CCSER2: variants seen among roughly 807,000 people sequenced by gnomAD.
CCSER2 encodes coiled-coil serine rich protein 2, also known as serine-rich coiled-coil domain-containing protein 2.
In CCSER2, 46 loss-of-function variants were observed where a neutral mutation model predicts 92.3. The observed-to-expected ratio is 0.50, with a 90% CI of 0.39 to 0.64. The LOEUF is 0.64. Ranked by LOEUF, CCSER2 falls within the 30% of genes least tolerant of loss-of-function variation. The pLI is 0.00. For missense variants in CCSER2, 1,244 were observed against 1,238.9 expected, an observed-to-expected ratio of 1.00 and a Z score of -0.06; for synonymous variants, 433 against 431.4, an observed-to-expected ratio of 1.00 and a Z score of -0.04.
At chr10:84,513,393 A>T in intron 9 of CCSER2, 56 bp from the exon 10 acceptor site, 1 of 1,313,520 alleles carries the variant, frequency 7.6e-7, no homozygotes, top group Non-Finnish European at 1.1e-6. Flanking sequence ...TATTTATATT[A>T]AATCTGGGTG....
intron 6 of CCSER2, among the ~76,000 whole-genome samples, chr10:84,447,806 C>CTTTTG (rs1175210073): frequency 2.0e-5 from 3 of 152,108 alleles, no homozygotes; most frequent in Middle Eastern, 6.8e-3. Context: ...GAGTTCGTTT[C>CTTTTG]TTTTGTTTTG....
intron 3 of CCSER2, among the ~76,000 whole-genome samples, chr10:84,400,695 C>T (rs971614033): frequency 6.6e-6 from 1 of 152,106 alleles, no homozygotes; most frequent in Non-Finnish European, 1.5e-5. Context: ...GGGTGGATCA[C>T]CTGAGGTCAG....
At chr10:84,416,937 A>G (rs917956683) in intron 3 of CCSER2, among the ~76,000 whole-genome samples, 3 of 152,220 alleles carry the variant, frequency 2.0e-5, no homozygotes, top group African/African-American at 4.8e-5. Flanking sequence ...TCAAAAAAAA[A>G]AGAGTTTTTT....
intron 9 of CCSER2, among the ~76,000 whole-genome samples, chr10:84,492,209 G>T (rs1848211014): frequency 1.3e-5 from 2 of 151,786 alleles, no homozygotes. Flanking sequence ...ATCCCGGGAG[G>T]TGGATAATTG....
At chr10:84,445,193 G>A (rs1025561412) in intron 6 of CCSER2, among the ~76,000 whole-genome samples, 1 of 151,742 alleles carries the variant, frequency 6.6e-6, no homozygotes, top group Non-Finnish European at 1.5e-5. Flanking sequence ...TTGCTCTGTC[G>A]CCCAGGCTGG....
chr10:84,351,432 C>T (rs1400242750), intron 1 of CCSER2, among the ~76,000 whole-genome samples: 3 of 151,846 alleles, frequency 2.0e-5, no homozygotes, highest in Admixed American at 2.0e-4. Context: ...AGGTTTCGTC[C>T]TGTTGGCCAG....
intron 3 of CCSER2, among the ~76,000 whole-genome samples, chr10:84,413,330 G>C (rs945053784): frequency 5.3e-5 from 8 of 152,120 alleles, no homozygotes; most frequent in Non-Finnish European, 1.0e-4. Context: ...CTGCATCCCA[G>C]AGATGGTGGT....
chr10:84,382,253 T>C (rs1220973154), intron 3 of CCSER2, among the ~76,000 whole-genome samples: 1 of 152,200 alleles, frequency 6.6e-6, no homozygotes, highest in Non-Finnish European at 1.5e-5. Context: ...TAGCATCTTT[T>C]TTTGTTCCTC....
chr10:84,449,010 G>A (rs1845100032), intron 6 of CCSER2, among the ~76,000 whole-genome samples: 1 of 152,170 alleles, frequency 6.6e-6, no homozygotes, highest in Non-Finnish European at 1.5e-5. Flanking sequence ...GTTGTTTTTA[G>A]TTGTGGAATA....
chr10:84,452,843 C>T (rs1414746599), intron 6 of CCSER2, among the ~76,000 whole-genome samples: 1 of 152,074 alleles, frequency 6.6e-6, no homozygotes, highest in Non-Finnish European at 1.5e-5. Context: ...CCCCTCCCCC[C>T]ACCAAATGTT....
chr10:84,347,463 C>T lies in CCSER2; in HGVS notation c.-40+18655C>T, dbSNP rs572056762. 2.0e-5 allele frequency among the ~76,000 whole-genome samples: 3 copies of T among 149,440 alleles called. No homozygotes were observed. The East Asian group carries it at 6.1e-4, about 30-fold the overall frequency. ...GTCGGCTGGCCGGGCGGGGGCTGACCCCCCACCTCCCTCCCGGACTGGGTG... is the reference window on the plus strand; with the variant it reads ...GTCGGCTGGCCGGGCGGGGGCTGACTCCCCACCTCCCTCCCGGACTGGGTG... On this transcript the variant is annotated intron_variant, in intron 1 of 9. Transcript: ENST00000372088.
chr10:84,384,959 G>C (rs955502186), intron 3 of CCSER2, among the ~76,000 whole-genome samples: 2 of 151,196 alleles, frequency 1.3e-5, no homozygotes, highest in African/African-American at 4.9e-5. Context: ...TACACCATCA[G>C]TGCTCAAACA....
chr10:84,418,118 C>CT (rs961553234), intron 4 of CCSER2, among the ~76,000 whole-genome samples: 2 of 152,120 alleles, frequency 1.3e-5, no homozygotes, highest in Non-Finnish European at 2.9e-5. Context: ...TAAGAGTTGT[C>CT]TTTTTTTCTG....
At chr10:84,374,992 A>C (rs1222892841) in intron 3 of CCSER2, among the ~76,000 whole-genome samples, 1 of 152,168 alleles carries the variant, frequency 6.6e-6, no homozygotes. Flanking sequence ...CAGTGTCTTC[A>C]TCTCATTAGA....
intron 9 of CCSER2, among the ~76,000 whole-genome samples, chr10:84,489,456 CTCT>C (rs1332273221): frequency 6.6e-6 from 1 of 152,156 alleles, no homozygotes; most frequent in South Asian, 2.1e-4. Flanking sequence ...AAATAGTTAG[CTCT>C]TCTTGTTGAA....
intron 3 of CCSER2, among the ~76,000 whole-genome samples, chr10:84,407,197 C>A (rs1842421192): frequency 6.6e-6 from 1 of 152,174 alleles, no homozygotes; most frequent in African/African-American, 2.4e-5. Context: ...ATGCAGCATG[C>A]ACATCAAAAT....
In CCSER2 at chr10:84,517,766, T is replaced by TC. The variant is rs1360372278; in HGVS notation, c.*3504dup. ...TCTCAGTACATCAGAGAGAGCGTGA[T>TC]CCCCCTACAGCTGTCACTTCCAAAT... On this transcript the variant is annotated 3_prime_UTR_variant, in exon 10 of 10. Transcript: ENST00000372088. The TC allele has an allele frequency of 6.6e-6, 1 of 152,636 alleles. No individual in the cohort carries two copies. The highest frequency in any genetic ancestry group is 1.5e-5 in the Non-Finnish European group (1 of 68,044). 9.5% of individuals were successfully genotyped at this position (152,636 alleles called of 1,614,324 possible). A position where few individuals can be genotyped will look rare whatever the true frequency, so the allele number is the denominator to read the frequency against.
At chr10:84,464,043 T>C (rs41291378) in intron 7 of CCSER2, 27 bp downstream of exon 7, 20,276 of 1,299,154 alleles carry the variant, frequency 0.016, 236 homozygotes, top group Middle Eastern at 0.027. Flanking sequence ...ATGCTGGATT[T>C]TTCAAAATTC....
intron 5 of CCSER2, among the ~76,000 whole-genome samples, chr10:84,437,261 G>T (rs1314411539): frequency 6.6e-6 from 1 of 152,164 alleles, no homozygotes; most frequent in East Asian, 1.9e-4. Flanking sequence ...GCTCACACCT[G>T]TAATCCCAGA....
Sources: gnomAD v4.1 joint callset for allele counts (sites outside exome capture counted in the v4.1 genomes callset) on GRCh38, gnomAD v4.1.1 for gene constraint, MANE v1.5 for transcripts, NCBI Gene and HGNC (gene_info 2026-07-23, HGNC 2026-07-21) for gene names.